MKRN2OS: variants seen among roughly 807,000 people sequenced by gnomAD.
The protein encoded by MKRN2OS is MKRN2 opposite strand protein.
MKRN2OS carries 17 observed loss-of-function variants against 18.2 expected under a neutral mutation model. The ratio of observed to expected loss-of-function variants is 0.93; its 90% CI spans 0.64 to 1.40. MKRN2OS has a LOEUF of 1.40. Ranked by LOEUF, MKRN2OS falls within the 40% of genes most tolerant of loss-of-function variation. MKRN2OS has a pLI of 0.00. For synonymous variants in MKRN2OS, 121 were observed against 108.5 expected (o/e 1.12, Z -0.72); for missense variants, 337 against 283.0 (o/e 1.19, Z -1.37).
rs2057769136 is a variant in MKRN2OS at position 12,539,933 on chromosome 3, G to A, written c.*260C>T. On this transcript the variant is annotated 3_prime_UTR_variant, in exon 4 of 4. Coordinates refer to ENST00000564146, the MANE Select transcript of MKRN2OS (RefSeq NM_001195279.2). ...CCCTAGTAGTTGGGATTACAGGCAT[G>A]CGCCACCATGCCCAGCTAATTTTAT... The A allele has an allele frequency of 2.3e-6, 1 of 428,232 alleles. No homozygotes were observed. Among genetic ancestry groups the A allele is most frequent in the Non-Finnish European group, 4.3e-6 (1 of 230,820 alleles). 26.5% of individuals were successfully genotyped at this position (428,232 alleles called of 1,614,324 possible).
At position 12,540,361 on chromosome 3, in the gene MKRN2OS, A is replaced by C. The variant is rs2057778420; in HGVS notation, c.504T>G (p.Gly168=). 1.3e-6 allele frequency: 2 copies of C among 1,535,984 alleles called. No individual in the cohort carries two copies. The highest frequency in any genetic ancestry group is 2.0e-5 in the Admixed American group (1 of 50,970). ...ATTCACCCTTGTCCAGTTGCTGTCT[A>C]CCTTCTGCCATCAGAACGCAGTTAA... ...TFINCVLMAE[G]RQQLDKGEFT... Residue 168 remains glycine, a synonymous_variant, in exon 4 of 4, where the codon GGT becomes GGG. Coordinates refer to ENST00000564146, the MANE Select transcript of MKRN2OS (RefSeq NM_001195279.2).
At chr3:12,542,176 T>C (rs2057824071) in intron 2 of MKRN2OS, among the ~76,000 whole-genome samples, 154 bp from the exon 3 acceptor site, 1 of 152,324 alleles carries the variant, frequency 6.6e-6, no homozygotes, top group Non-Finnish European at 1.5e-5. Flanking sequence ...TAATGAGATT[T>C]AGATTTGCCT....
upstream of MKRN2OS, among the ~76,000 whole-genome samples, chr3:12,547,817 A>G (rs973362918): frequency 1.3e-5 from 2 of 152,206 alleles, no homozygotes; most frequent in African/African-American, 4.8e-5. Context: ...GTACATTTAA[A>G]TAAATTACAG....
intron 3 of MKRN2OS, among the ~76,000 whole-genome samples, chr3:12,541,119 C>G (rs2057802504): frequency 6.6e-6 from 1 of 151,864 alleles, no homozygotes; most frequent in Non-Finnish European, 1.5e-5. Flanking sequence ...TAATTTAAAT[C>G]CACAAACATG....
At chr3:12,546,075 A>T (rs757179003), upstream of MKRN2OS, among the ~76,000 whole-genome samples, 2 of 152,160 alleles carry the variant, frequency 1.3e-5, no homozygotes, top group Non-Finnish European at 2.9e-5. Context: ...TACACGCATG[A>T]GCCACTGCAC....
chr3:12,544,417 T>A (rs2057857867), intron 1 of MKRN2OS, among the ~76,000 whole-genome samples: 1 of 152,276 alleles, frequency 6.6e-6, no homozygotes, highest in South Asian at 2.1e-4. Context: ...GGCTGATGCC[T>A]GTAATCCCAC....
upstream of MKRN2OS, among the ~76,000 whole-genome samples, chr3:12,546,350 C>T (rs1308549147): frequency 6.6e-6 from 1 of 151,970 alleles, no homozygotes; most frequent in Non-Finnish European, 1.5e-5. Context: ...ATAGCGGTTA[C>T]AGGAGGGAGA....
chr3:12,552,684 T>C (rs1296591522), downstream of MKRN2OS, among the ~76,000 whole-genome samples: 2 of 151,766 alleles, frequency 1.3e-5, no homozygotes, highest in African/African-American at 4.8e-5. Flanking sequence ...GTGCTAGGAT[T>C]ACAGGTGTGA....
intron 1 of MKRN2OS, 59 bp downstream of exon 1, chr3:12,545,188 G>A: frequency 7.5e-7 from 1 of 1,334,100 alleles, no homozygotes; most frequent in Non-Finnish European, 1.0e-6. Flanking sequence ...AAACTTTAGT[G>A]ACTAAAACAG....
upstream of MKRN2OS, among the ~76,000 whole-genome samples, chr3:12,547,020 A>C (rs1283592597): frequency 2.0e-5 from 3 of 152,232 alleles, no homozygotes; most frequent in East Asian, 5.8e-4. Flanking sequence ...AGATGGGAGG[A>C]GTGCTTGAGC....
chr3:12,543,248 G>T lies in MKRN2OS; in HGVS notation c.219-19C>A. The T allele has an allele frequency of 8.0e-6, 12 of 1,500,254 alleles. No individual in the cohort carries two copies. Among genetic ancestry groups the T allele is most frequent in the African/African-American group, 2.8e-5 (2 of 71,518 alleles). The allele number at this position is 1,500,254 out of a possible 1,614,324, so 92.9% of individuals were successfully genotyped here. A position where few individuals can be genotyped will look rare whatever the true frequency, so the allele number is the denominator to read the frequency against. ...ATACTCTCTGAAAGAAACAAGGTTT[G>T]TTTTTTTTTGGTTTGCATGTATTTG... On this transcript the variant is annotated intron_variant, in intron 1 of 3. Transcript: ENST00000564146.
chr3:12,553,245 C>G (rs2057942617), downstream of MKRN2OS, among the ~76,000 whole-genome samples: 1 of 152,070 alleles, frequency 6.6e-6, no homozygotes, highest in Admixed American at 6.5e-5. Context: ...AGACTAATAT[C>G]TCTCATACAC....
upstream of MKRN2OS, chr3:12,545,569 T>C (rs1575505924): frequency 2.3e-6 from 2 of 873,554 alleles, no homozygotes; most frequent in Non-Finnish European, 3.4e-6. Context: ...TCAATGGTGA[T>C]GTCATCCTGA....
chr3:12,557,084 G>A, intron 1 of MKRN2OS: 1 of 1,475,372 alleles, frequency 6.8e-7, no homozygotes, highest in Non-Finnish European at 9.0e-7. Flanking sequence ...CCGGGCCAGG[G>A]CCAAGGCCGA....
intron 1 of MKRN2OS, among the ~76,000 whole-genome samples, chr3:12,544,739 G>A (rs945228372): frequency 6.6e-6 from 1 of 151,810 alleles, no homozygotes; most frequent in Non-Finnish European, 1.5e-5. Flanking sequence ...TTTTGTTTAT[G>A]CTAGCGCTCT....
chr3:12,554,420 A>C (rs1180290095), intron 1 of MKRN2OS, among the ~76,000 whole-genome samples: 1 of 152,090 alleles, frequency 6.6e-6, no homozygotes, highest in Non-Finnish European at 1.5e-5. Context: ...CAGCTTGTGG[A>C]AGTGCACACT....
intron 1 of MKRN2OS, among the ~76,000 whole-genome samples, chr3:12,560,478 T>TAAA (rs10651248): frequency 0.15 from 19,132 of 124,660 alleles, 1,706 homozygotes; most frequent in Non-Finnish European, 0.22. Flanking sequence ...TAGGAAAATG[T>TAAA]AAAAAAAAAA....
chr3:12,556,266 G>C (rs552215861), intron 1 of MKRN2OS, among the ~76,000 whole-genome samples: 1 of 151,778 alleles, frequency 6.6e-6, no homozygotes, highest in Non-Finnish European at 1.5e-5. Context: ...CAGGAGAATC[G>C]CTTGAACCCG....
At chr3:12,548,864 A>G (rs1327497555), upstream of MKRN2OS, among the ~76,000 whole-genome samples, 1 of 152,184 alleles carries the variant, frequency 6.6e-6, no homozygotes, top group Admixed American at 6.5e-5. Context: ...TAATCTTGTT[A>G]TAAAATAAAA....
Sources: allele counts gnomAD v4.1 joint callset (sites outside exome capture counted in the v4.1 genomes callset), GRCh38; gene constraint gnomAD v4.1.1; transcripts MANE v1.5; gene names NCBI Gene and HGNC (gene_info 2026-07-23, HGNC 2026-07-21).